Variants in MPP2 observed in about 807,000 individuals in gnomAD.
MPP2 encodes MAGUK p55 scaffold protein 2, also known as MAGUK p55 subfamily member 2.
A neutral mutation model predicts 58.5 loss-of-function variants in MPP2; 42 were observed. The ratio of observed to expected loss-of-function variants is 0.72; its 90% CI spans 0.56 to 0.93. MPP2 has a LOEUF of 0.93. MPP2 is among the 40% of genes least tolerant of loss of function. The probability of loss-of-function intolerance (pLI) is 0.00; values close to 1 mark genes in which losing one functional copy is unlikely to be tolerated. For synonymous variants in MPP2, 300 were observed against 307.8 expected (o/e 0.97, Z 0.26); for missense variants, 632 against 760.4 (o/e 0.83, Z 1.99).
chr17:43,900,745 A>T, intron 2 of MPP2: 2 of 1,029,334 alleles, frequency 1.9e-6, no homozygotes, highest in South Asian at 2.2e-5. Flanking sequence ...TGCGCGGTGC[A>T]GAGCAGGCGG....
intron 2 of MPP2, chr17:43,900,555 C>A: frequency 6.5e-7 from 1 of 1,544,824 alleles, no homozygotes; most frequent in Non-Finnish European, 8.7e-7. Context: ...CCTGCCATGG[C>A]GGCCCCCAGA....
rs766510496 is a variant in MPP2, at chr17:43,877,848, G to A, written c.1618C>T (p.Arg540Trp). 9.3e-6 allele frequency: 15 copies of A among 1,613,896 alleles called. No individual in the cohort carries two copies. Among genetic ancestry groups the A allele is most frequent in the East Asian group, 4.5e-5 (2 of 44,896 alleles). The change falls in exon 13 of 13, where the codon CGG becomes TGG. Residue 540 changes from arginine to tryptophan, a missense_variant. Coordinates refer to ENST00000269095, the MANE Select transcript of MPP2 (RefSeq NM_005374.5). Reference protein sequence around the residue: ...RELQTAMEKLRTEPQWVPVSW... With the variant: ...RELQTAMEKLWTEPQWVPVSW... ...ACAGGCACCCACTGGGGCTCTGTCCGTAGCTTCTCCATGGCTGTCTGGAGC... is the reference window on the plus strand; with the variant it reads ...ACAGGCACCCACTGGGGCTCTGTCCATAGCTTCTCCATGGCTGTCTGGAGC...
intron 1 of MPP2, 100 bp downstream of exon 1, chr17:43,907,374 A>T: frequency 1.0e-5 from 10 of 985,494 alleles, no homozygotes; most frequent in Non-Finnish European, 1.1e-5. Context: ...GGGCCTGTGG[A>T]GTTTAAACCC....
upstream of MPP2, chr17:43,907,738 C>A: frequency 1.0e-6 from 1 of 985,534 alleles, no homozygotes; most frequent in Non-Finnish European, 1.2e-6. Flanking sequence ...TGGAGTCCCA[C>A]TGGGAAGGGT....
rs978795454 is a variant in MPP2, at chr17:43,883,362, G to A, written c.151-7C>T. 1.9e-6 allele frequency: 3 copies of A among 1,609,478 alleles called. No individual in the cohort carries two copies. The highest frequency in any genetic ancestry group is 2.5e-6 in the Non-Finnish European group (3 of 1,179,620). ...CCTCCAGCCTCTCATGGGCCTGGGG[G>A]TGGAAGCAGAACAGGTGGGGCTAGG... On this transcript the variant is annotated splice_polypyrimidine_tract_variant and splice_region_variant and intron_variant, in intron 3 of 12. Coordinates refer to ENST00000269095, the MANE Select transcript of MPP2 (RefSeq NM_005374.5).
At chr17:43,907,111 T>C in intron 1 of MPP2, 2 of 955,496 alleles carry the variant, frequency 2.1e-6, no homozygotes, top group African/African-American at 1.8e-5. Context: ...CCGGAAGCGC[T>C]AACAGCACGG....
upstream of MPP2, chr17:43,907,998 G>A (rs1217506831): frequency 2.0e-6 from 2 of 984,300 alleles, no homozygotes; most frequent in African/African-American, 3.5e-5. Flanking sequence ...AGAAGGCCTC[G>A]GGATCAGGGG....
chr17:43,893,855 T>C (rs757484255), intron 3 of MPP2, among the ~76,000 whole-genome samples: 3 of 152,192 alleles, frequency 2.0e-5, no homozygotes, highest in Non-Finnish European at 4.4e-5. Flanking sequence ...CACACCGCAG[T>C]TCAAATGAAT....
chr17:43,894,474 G>A (rs1342387504), intron 3 of MPP2, among the ~76,000 whole-genome samples: 4 of 130,994 alleles, frequency 3.1e-5, no homozygotes, highest in South Asian at 2.6e-4. Flanking sequence ...AAAATTAGCC[G>A]GGCATGGTGG....
At chr17:43,900,662 C>G in intron 2 of MPP2, 1 of 1,422,052 alleles carries the variant, frequency 7.0e-7, no homozygotes, top group Non-Finnish European at 9.2e-7. Context: ...GGAGCGCCCT[C>G]TGAGGAACCA....
chr17:43,875,775 C>T lies in MPP2; in HGVS notation c.*2032G>A, dbSNP rs1597738171. ...TGAGCATCCCTAGCAGTGAAGGTGC[C>T]ATGAAGGCCAGGTACCCAACCCATC... On this transcript the variant is annotated 3_prime_UTR_variant, in exon 13 of 13. Coordinates refer to ENST00000269095, the MANE Select transcript of MPP2 (RefSeq NM_005374.5). 6.6e-6 allele frequency: 1 copy of T among 152,152 alleles called. No homozygotes were observed. Among genetic ancestry groups the T allele is most frequent in the Admixed American group, 6.5e-5 (1 of 15,272 alleles). 9.4% of individuals were successfully genotyped at this position (152,152 alleles called of 1,614,324 possible). A position where few individuals can be genotyped will look rare whatever the true frequency, so the allele number is the denominator to read the frequency against.
In MPP2 at chr17:43,880,751, G is replaced by A. The variant is rs759367063; in HGVS notation, c.1090C>T (p.Arg364Cys). 14 of 1,613,876 alleles carry A rather than the reference G, an allele frequency of 8.7e-6. No individual in the cohort carries two copies. Among genetic ancestry groups the A allele is most frequent in the South Asian group, 4.4e-5 (4 of 91,036 alleles). Residue 364 changes from arginine (R) to cysteine (C), a missense_variant, in exon 10 of 13, where the codon CGC becomes TGC. Arg to Cys is a radical substitution (Grantham distance 180, BLOSUM62 -3). Coordinates refer to ENST00000269095, the MANE Select transcript of MPP2 (RefSeq NM_005374.5). The surrounding 1 kb of genome is among the most constrained non-coding windows in gnomAD (Gnocchi z 5.2). ...ATGATGAGCTTGTTCTTCAGGCTGC[G>A]CCGTCCCACGCCCTGAGCCCCAATC... is the stretch of plus-strand genomic sequence containing the variant. Reference protein sequence around the residue: ...VLIGAQGVGRRSLKNKLIMWD... With the variant: ...VLIGAQGVGRCSLKNKLIMWD...
chr17:43,879,615 T>C lies in MPP2; in HGVS notation c.1353+167A>G, dbSNP rs231520. Among the ~76,000 whole-genome samples, 120,077 of 151,864 alleles carry C rather than the reference T, an allele frequency of 0.79. 48,769 individuals are homozygous for C. Among genetic ancestry groups the C allele is most frequent in the East Asian group, 1 (5,145 of 5,152 alleles). On this transcript the variant is annotated intron_variant, in intron 11 of 12. Transcript: ENST00000269095. The surrounding 1 kb of genome is among the most constrained non-coding windows in gnomAD (Gnocchi z 4.1). ...AGGAGACTAGAGGAGGAGTGGGGAC[T>C]CTGGAAGGCTGAGAAAGGTTCCAGG... is the stretch of plus-strand genomic sequence containing the variant.
At chr17:43,881,816 T>C (rs2047138077) in intron 6 of MPP2, among the ~76,000 whole-genome samples, 1 of 152,140 alleles carries the variant, frequency 6.6e-6, no homozygotes, top group Admixed American at 6.5e-5. Context: ...GACCACCAAG[T>C]AGGGCACAGG....
chr17:43,902,015 A>G (rs1279440135), intron 2 of MPP2, among the ~76,000 whole-genome samples: 1 of 152,148 alleles, frequency 6.6e-6, no homozygotes, highest in African/African-American at 2.4e-5. Flanking sequence ...GCAGGGACAC[A>G]GCTGTCTCTC....
At chr17:43,896,972 G>T (rs1194610511) in intron 3 of MPP2, among the ~76,000 whole-genome samples, 1 of 152,032 alleles carries the variant, frequency 6.6e-6, no homozygotes, top group Non-Finnish European at 1.5e-5. Flanking sequence ...AGGATCCCAG[G>T]TGCCTTACTG....
intron 3 of MPP2, among the ~76,000 whole-genome samples, chr17:43,893,651 A>G (rs1175874943): frequency 6.6e-6 from 1 of 152,210 alleles, no homozygotes; most frequent in Non-Finnish European, 1.5e-5. Context: ...CAGGGGCACC[A>G]ACCCTACCGT....
chr17:43,889,609 G>C (rs1484275820), intron 3 of MPP2, among the ~76,000 whole-genome samples: 3 of 150,160 alleles, frequency 2.0e-5, no homozygotes, highest in Non-Finnish European at 4.5e-5. Context: ...GATCCGCCCG[G>C]CTCAGCCTCC....
intron 3 of MPP2, among the ~76,000 whole-genome samples, chr17:43,894,418 A>AAT (rs1382579250): frequency 0.011 from 881 of 77,276 alleles, 8 homozygotes; most frequent in South Asian, 0.029. Flanking sequence ...TCCATCTCAA[A>AAT]ATATATATAT....
Sources: gnomAD v4.1 joint callset for allele counts (sites outside exome capture counted in the v4.1 genomes callset) on GRCh38, gnomAD v4.1.1 for gene constraint, Gnocchi (gnomAD v3.1) non-coding constraint, MANE v1.5 for transcripts, NCBI Gene and HGNC (gene_info 2026-07-23, HGNC 2026-07-21) for gene names.